The following SLC16A3 variants were observed in gnomAD, a reference collection of about 807,000 sequenced individuals.
SLC16A3 encodes monocarboxylate transporter 4.
A neutral mutation model predicts 25.0 loss-of-function variants in SLC16A3; 22 were observed. The observed-to-expected ratio is 0.88, with a 90% confidence interval of 0.63 to 1.26. The LOEUF (loss-of-function observed/expected upper bound fraction) is 1.26. SLC16A3 is among the 50% of genes most tolerant of loss of function. SLC16A3 has a pLI of 0.00. For synonymous variants in SLC16A3, 390 were observed against 309.2 expected, an observed-to-expected ratio of 1.26 and a Z score of -2.74; for missense variants, 731 against 666.6, an observed-to-expected ratio of 1.10 and a Z score of -1.06.
intron 1 of SLC16A3, chr17:82,231,761 GGCCAATCC>G: frequency 6.6e-6 from 1 of 152,296 alleles, no homozygotes; most frequent in East Asian, 1.9e-4. Context: ...GGGTGGGAGT[GGCCAATCC>G]GCAAATGAGG....
chr17:82,237,027 A>C, intron 3 of SLC16A3, 111 bp from the exon 4 acceptor site: 44 of 1,452,296 alleles, frequency 3.0e-5, no homozygotes, highest in Non-Finnish European at 4.0e-5. Flanking sequence ...GGTGGGTGGC[A>C]GGGGCTCTGC....
chr17:82,219,623 G>A (rs571569515), intron 1 of SLC16A3, among the ~76,000 whole-genome samples: 10 of 152,220 alleles, frequency 6.6e-5, no homozygotes, highest in African/African-American at 2.4e-4. Context: ...AGGGGGTTCT[G>A]GGGCCCCTGC....
At chr17:82,236,708 C>G in intron 2 of SLC16A3, 21 bp from the exon 3 acceptor site, 2 of 1,598,270 alleles carry the variant, frequency 1.3e-6, no homozygotes, top group Non-Finnish European at 1.7e-6. Context: ...CCCGGCCCCT[C>G]TCAGCTGCTG....
chr17:82,222,803 CAAAA>C (rs34093076), intron 1 of SLC16A3, among the ~76,000 whole-genome samples: 1 of 104,628 alleles, frequency 9.6e-6, no homozygotes. Context: ...GACTCCGTCT[CAAAA>C]AAAAAAAAAA....
At chr17:82,222,008 C>T (rs2050391388) in intron 1 of SLC16A3, among the ~76,000 whole-genome samples, 1 of 152,212 alleles carries the variant, frequency 6.6e-6, no homozygotes, top group Non-Finnish European at 1.5e-5. Flanking sequence ...GGTGGCTCTT[C>T]ATGGACAGGA....
chr17:82,226,834 T>C (rs2050425397), upstream of SLC16A3, among the ~76,000 whole-genome samples: 5 of 152,054 alleles, frequency 3.3e-5, no homozygotes, highest in Admixed American at 6.5e-5. Context: ...CTGTCCAGGC[T>C]CCGGGTGAGC....
intron 1 of SLC16A3, among the ~76,000 whole-genome samples, chr17:82,219,714 G>C (rs2050377426): frequency 6.6e-6 from 1 of 152,164 alleles, no homozygotes; most frequent in African/African-American, 2.4e-5. Flanking sequence ...GGTGCAAAGA[G>C]GGGGCTGGGG....
intron 1 of SLC16A3, among the ~76,000 whole-genome samples, chr17:82,218,945 C>T (rs1192354769): frequency 6.6e-6 from 1 of 152,082 alleles, no homozygotes; most frequent in Non-Finnish European, 1.5e-5. Context: ...TGCCACTGGA[C>T]ATGGGGGTTG....
At chr17:82,227,660 GAGCACCACCTGCCCTGGGCGGGAGC>G (rs1465937758), upstream of SLC16A3, among the ~76,000 whole-genome samples, 391 of 23,938 alleles carry the variant, frequency 0.016, 23 homozygotes, top group South Asian at 0.038. Flanking sequence ...CCCTGGGCGG[GAGCACCACCTGCCCTGGGCGGGAGC>G]AGCACGGGCC....
In SLC16A3 at chr17:82,239,615, G is replaced by A. The variant is rs1299462274; in HGVS notation, c.*639G>A. The A allele has an allele frequency of 5.0e-5, 12 of 241,660 alleles. No homozygotes were observed. In the East Asian group the frequency reaches 9.7e-4, roughly 19 times the overall value. The allele number at this position is 241,660 out of a possible 1,614,324, so 15.0% of individuals were successfully genotyped here. ...CTGCAGCGGCATAGCATTCGTAGCA[G>A]GGGCAGGCGCTGCATGGAGGGGGCT... is the stretch of plus-strand genomic sequence containing the variant. On this transcript the variant is annotated 3_prime_UTR_variant, in exon 5 of 5. Coordinates refer to ENST00000582743, the MANE Select transcript of SLC16A3 (RefSeq NM_004207.4).
chr17:82,222,298 C>T (rs8071673), intron 1 of SLC16A3, among the ~76,000 whole-genome samples: 6 of 120,300 alleles, frequency 5.0e-5, no homozygotes, highest in South Asian at 2.9e-4. Flanking sequence ...TTCGTGGAGA[C>T]GAGTGTCGCC....
upstream of SLC16A3, among the ~76,000 whole-genome samples, chr17:82,226,622 C>T (rs892009275): frequency 6.6e-6 from 1 of 152,166 alleles, no homozygotes; most frequent in Non-Finnish European, 1.5e-5. Context: ...TGCCCAGGTG[C>T]CCCTGGAGCC....
At chr17:82,228,030 G>A (rs562358395), upstream of SLC16A3, among the ~76,000 whole-genome samples, 43 of 152,322 alleles carry the variant, frequency 2.8e-4, no homozygotes, top group African/African-American at 1.0e-3. Context: ...TGCCTCCTTT[G>A]TGTGTGAAGG....
chr17:82,238,756 C>A lies in SLC16A3; in HGVS notation c.1178C>A (p.Ala393Asp). The A allele has an allele frequency of 6.2e-7, 1 of 1,612,552 alleles. No homozygotes were observed. The highest frequency in any genetic ancestry group is 8.5e-7 in the Non-Finnish European group (1 of 1,179,878). ...VYMYVFILAGAEVLTSSLILL... is the reference protein window; with the variant it reads ...VYMYVFILAGDEVLTSSLILL... ...ATGTACGTGTTCATCCTGGCGGGGGCCGAGGTGCTCACCTCCTCCCTGATT... is the reference window on the plus strand; with the variant it reads ...ATGTACGTGTTCATCCTGGCGGGGGACGAGGTGCTCACCTCCTCCCTGATT... The change falls in exon 5 of 5, where the codon GCC becomes GAC. Residue 393 changes from alanine to aspartate, a missense_variant. Ala to Asp is a moderately radical substitution (Grantham distance 126). Coordinates refer to ENST00000582743, the MANE Select transcript of SLC16A3 (RefSeq NM_004207.4).
intron 1 of SLC16A3, chr17:82,229,624 A>G (rs2050462029): frequency 6.6e-6 from 1 of 152,194 alleles, no homozygotes. Context: ...GGCAATGACT[A>G]ACAGCCCGAG....
chr17:82,228,225 C>G (rs1017841075), upstream of SLC16A3, among the ~76,000 whole-genome samples: 1 of 152,264 alleles, frequency 6.6e-6, no homozygotes, highest in Non-Finnish European at 1.5e-5. Context: ...TTCCATGTTG[C>G]AAATGAGAGA....
At chr17:82,237,064 C>T in intron 3 of SLC16A3, 74 bp from the exon 4 acceptor site, 1 of 1,461,084 alleles carries the variant, frequency 6.8e-7, no homozygotes, top group Admixed American at 2.7e-5. Context: ...CCTGTGGGAA[C>T]CTGGGGGCAG....
chr17:82,227,372 C>T (rs112393534), upstream of SLC16A3, among the ~76,000 whole-genome samples: 3 of 152,052 alleles, frequency 2.0e-5, no homozygotes, highest in Non-Finnish European at 4.4e-5. Context: ...GAAGGTGTCT[C>T]GGTGGCTTCA....
chr17:82,235,714 T>C, intron 1 of SLC16A3: 2 of 504,542 alleles, frequency 4.0e-6, no homozygotes, highest in Non-Finnish European at 7.2e-6. Flanking sequence ...GTAATCTGAG[T>C]CCTGGCCGAG....
Sources: gnomAD v4.1 joint callset for allele counts (sites outside exome capture counted in the v4.1 genomes callset) on GRCh38, gnomAD v4.1.1 for gene constraint, MANE v1.5 for transcripts, NCBI Gene and HGNC (gene_info 2026-07-23, HGNC 2026-07-21) for gene names.